Variants in RYR2 observed in about 807,000 individuals in gnomAD.
RYR2 encodes cardiac muscle ryanodine receptor-calcium release channel.
Under a neutral mutation model 601.1 loss-of-function variants are expected in RYR2, and 227 were observed. The ratio of observed to expected loss-of-function variants is 0.38; its 90% CI spans 0.34 to 0.42. The LOEUF (loss-of-function observed/expected upper bound fraction) is 0.42. Ranked by LOEUF, RYR2 falls within the 10% of genes least tolerant of loss-of-function variation. The pLI, the probability that RYR2 is intolerant of heterozygous loss-of-function variation, is 1.00. For synonymous variants in RYR2, 2,223 were observed against 2,175.1 expected, an observed-to-expected ratio of 1.02 and a Z score of -0.61; for missense variants, 4,646 against 6,156.5, an observed-to-expected ratio of 0.75 and a Z score of 8.21.
In RYR2 at chr1:237,643,276, G is replaced by A; in HGVS notation, c.7222-51G>A. 2.5e-6 allele frequency: 4 copies of A among 1,595,856 alleles called. 1 individual carries two copies. The South Asian group carries it at 3.4e-5, about 14-fold the overall frequency. On this transcript the variant is annotated intron_variant, in intron 47 of 104. Coordinates refer to ENST00000366574, the MANE Select transcript of RYR2 (RefSeq NM_001035.3). ...TACTTCAGATTTCCTAGACAGAATT[G>A]TAACATTGATGTCACAAAGTTGTTC...
At chr1:237,814,965 C>CTTTTTTTTTTTTT (rs11314213) in intron 100 of RYR2, among the ~76,000 whole-genome samples, 6 of 93,910 alleles carry the variant, frequency 6.4e-5, no homozygotes, top group Non-Finnish European at 1.0e-4. Flanking sequence ...TTTCTTTTTT[C>CTTTTTTTTTTTTT]TTTTTTTTTT....
chr1:237,118,666 A>G (rs1670408451), intron 1 of RYR2, among the ~76,000 whole-genome samples: 1 of 151,888 alleles, frequency 6.6e-6, no homozygotes, highest in Non-Finnish European at 1.5e-5. Context: ...GTGCAGTGGC[A>G]TGATTTGGCT....
At chr1:237,167,754 G>T (rs1018176848) in intron 1 of RYR2, among the ~76,000 whole-genome samples, 24 of 122,970 alleles carry the variant, frequency 2.0e-4, no homozygotes, top group African/African-American at 7.2e-4. Flanking sequence ...ATGAGGTCTT[G>T]CTGTGTCACC....
intron 55 of RYR2, among the ~76,000 whole-genome samples, chr1:237,660,448 G>C (rs922342191): frequency 2.0e-5 from 3 of 151,856 alleles, no homozygotes; most frequent in African/African-American, 7.3e-5. Flanking sequence ...ACTTCTTTGG[G>C]AAAGAAATGA....
At chr1:237,042,607 G>A in intron 1 of RYR2, 38 bp downstream of exon 1, 1 of 1,252,088 alleles carries the variant, frequency 8.0e-7, no homozygotes. Context: ...CAGGGGAAGG[G>A]GGCGTCAGGG....
chr1:237,068,418 T>C lies in RYR2; in HGVS notation c.48+25849T>C, dbSNP rs73133349. 5.7e-3 allele frequency among the ~76,000 whole-genome samples: 874 copies of C among 152,298 alleles called. 5 individuals carry two copies. The highest frequency in any genetic ancestry group is 0.019 in the African/African-American group (810 of 41,592). ...GGCTCAAGAACAGTTGACATTGTTA[T>C]GTTGCCCATGTGCTGTTGAAGCCTT... On this transcript the variant is annotated intron_variant, in intron 1 of 104. Transcript: ENST00000366574.
At chr1:237,789,547 G>A (rs5026204) in intron 92 of RYR2, among the ~76,000 whole-genome samples, 9,353 of 77,068 alleles carry the variant, frequency 0.12, 683 homozygotes, top group African/African-American at 0.22. Flanking sequence ...ATGGCTGCAG[G>A]TATAGTTCTA....
rs185094956 is a variant in RYR2 at position 237,528,324 on chromosome 1, A to T, written c.2823-2103A>T. ...CTAGTTTTAATCCCTTACTGTGTCT[A>T]ATTCATATGTTAAATTTTAGTATGT... is the stretch of plus-strand genomic sequence containing the variant. On this transcript the variant is annotated intron_variant, in intron 24 of 104. Transcript: ENST00000366574. Among the ~76,000 whole-genome samples, 4 of 152,266 alleles carry T rather than the reference A, an allele frequency of 2.6e-5. 1 individual carries two copies. The highest frequency in any genetic ancestry group is 6.5e-5 in the Admixed American group (1 of 15,284).
intron 66 of RYR2, among the ~76,000 whole-genome samples, chr1:237,702,578 A>G (rs1439481991): frequency 1.3e-5 from 2 of 152,130 alleles, no homozygotes; most frequent in Non-Finnish European, 2.9e-5. Flanking sequence ...AGTTTTTTTA[A>G]AAGGTCAGAA....
intron 1 of RYR2, among the ~76,000 whole-genome samples, chr1:237,258,473 A>G (rs1688212628): frequency 6.6e-6 from 1 of 152,160 alleles, no homozygotes; most frequent in African/African-American, 2.4e-5. Flanking sequence ...AGTGCCACTT[A>G]TCAAGATAAG....
At chr1:237,551,653 G>C (rs182516092) in intron 27 of RYR2, among the ~76,000 whole-genome samples, 1 of 151,942 alleles carries the variant, frequency 6.6e-6, no homozygotes, top group Admixed American at 6.5e-5. Flanking sequence ...TTACGGTTGT[G>C]TGCTTCGTCA....
At chr1:237,587,810 A>C (rs913071905) in intron 29 of RYR2, among the ~76,000 whole-genome samples, 1 of 152,210 alleles carries the variant, frequency 6.6e-6, no homozygotes, top group Non-Finnish European at 1.5e-5. Flanking sequence ...AAGGTCAACT[A>C]TACAGATATT....
chr1:237,662,120 C>G, intron 56 of RYR2, among the ~76,000 whole-genome samples: 1 of 151,786 alleles, frequency 6.6e-6, no homozygotes, highest in Non-Finnish European at 1.5e-5. Context: ...TTGAAATATA[C>G]TTTTAAATAA....
chr1:237,584,805 C>G (rs1374364523), intron 29 of RYR2, among the ~76,000 whole-genome samples: 5 of 151,914 alleles, frequency 3.3e-5, no homozygotes, highest in Non-Finnish European at 7.4e-5. Context: ...GGACCACAGG[C>G]ACATGCCACC....
At chr1:237,492,885 A>AAGGGAGTG (rs1663560347) in intron 18 of RYR2, 69 bp from the exon 19 acceptor site, 1 of 1,200,718 alleles carries the variant, frequency 8.3e-7, no homozygotes, top group South Asian at 1.5e-5. Context: ...GGAAGGAAGG[A>AAGGGAGTG]AGGGAGGGAG....
intron 2 of RYR2, among the ~76,000 whole-genome samples, chr1:237,311,417 A>G (rs1694552052): frequency 6.6e-6 from 1 of 152,176 alleles, no homozygotes. Context: ...GAGACATTTA[A>G]AACCTAAACA....
At chr1:237,559,569 C>T (rs1427871781) in intron 27 of RYR2, among the ~76,000 whole-genome samples, 2 of 152,120 alleles carry the variant, frequency 1.3e-5, no homozygotes, top group African/African-American at 4.8e-5. Context: ...TAGTTCATTA[C>T]ACATGGTTTT....
chr1:237,454,662 C>A, intron 15 of RYR2, 88 bp downstream of exon 15: 1 of 1,374,990 alleles, frequency 7.3e-7, no homozygotes, highest in South Asian at 1.3e-5. Flanking sequence ...CTATTTTGAC[C>A]ATCTTTGCGT....
At chr1:237,650,225 T>A in intron 50 of RYR2, 128 bp downstream of exon 50, 1 of 835,712 alleles carries the variant, frequency 1.2e-6, no homozygotes, top group Non-Finnish European at 1.9e-6. Context: ...TTTTAGGTAG[T>A]CCCATATACT....
Sources: allele counts gnomAD v4.1 joint callset (sites outside exome capture counted in the v4.1 genomes callset), GRCh38; gene constraint gnomAD v4.1.1; transcripts MANE v1.5; gene names NCBI Gene and HGNC (gene_info 2026-07-23, HGNC 2026-07-21).